The following AGBL4 variants were observed in gnomAD, a reference collection of about 807,000 sequenced individuals.
AGBL4 encodes the protein AGBL carboxypeptidase 4.
In AGBL4, 58 loss-of-function variants were observed where a neutral mutation model predicts 66.4. That is an observed-to-expected ratio of 0.87 (90% confidence interval 0.71 to 1.09). The LOEUF (loss-of-function observed/expected upper bound fraction) is 1.09, where lower values mean the gene tolerates loss of function less well. AGBL4 is among the 50% of genes least tolerant of loss of function. The probability of loss-of-function intolerance (pLI) is 0.00; values close to 1 mark genes in which losing one functional copy is unlikely to be tolerated. For synonymous variants in AGBL4, 234 were observed against 222.9 expected (o/e 1.05, Z -0.44); for missense variants, 579 against 631.0 (o/e 0.92, Z 0.88).
At chr1:48,971,045 G>A (rs1219786142) in intron 5 of AGBL4, among the ~76,000 whole-genome samples, 2 of 152,040 alleles carry the variant, frequency 1.3e-5, no homozygotes, top group African/African-American at 4.8e-5. Flanking sequence ...ACTTACCCAA[G>A]GTCACTCAGT....
chr1:49,833,931 A>G (rs1021411225), intron 2 of AGBL4, among the ~76,000 whole-genome samples: 4 of 152,074 alleles, frequency 2.6e-5, no homozygotes, highest in African/African-American at 9.7e-5. Context: ...CAATCATGTC[A>G]TCTGCAAACA....
intron 5 of AGBL4, among the ~76,000 whole-genome samples, chr1:49,014,059 G>A (rs1297857910): frequency 6.6e-6 from 1 of 152,056 alleles, no homozygotes; most frequent in Non-Finnish European, 1.5e-5. Context: ...TCTCTCTAAT[G>A]CAATAAAAAA....
intron 1 of AGBL4, among the ~76,000 whole-genome samples, chr1:49,919,102 T>A (rs1163003386): frequency 2.0e-5 from 3 of 152,174 alleles, no homozygotes; most frequent in Non-Finnish European, 2.9e-5. Context: ...ATAAGAGCTA[T>A]CTATGACAAA....
intron 3 of AGBL4, among the ~76,000 whole-genome samples, chr1:49,403,564 T>A (rs552193825): frequency 6.0e-4 from 92 of 152,330 alleles, no homozygotes; most frequent in African/African-American, 2.1e-3. Flanking sequence ...AGGTCACATA[T>A]CTTTCTTTCT....
chr1:48,569,833 C>A (rs1014995909), intron 11 of AGBL4, among the ~76,000 whole-genome samples: 1 of 152,128 alleles, frequency 6.6e-6, no homozygotes, highest in Non-Finnish European at 1.5e-5. Context: ...GACCATAATG[C>A]CACTCTTTTG....
chr1:49,364,125 G>A (rs1309994958), intron 3 of AGBL4, among the ~76,000 whole-genome samples: 3 of 152,148 alleles, frequency 2.0e-5, no homozygotes, highest in Non-Finnish European at 4.4e-5. Context: ...GAGATGATAA[G>A]GCCGTTTGGG....
At chr1:49,247,457 A>G (rs1291804403) in intron 3 of AGBL4, among the ~76,000 whole-genome samples, 4 of 152,078 alleles carry the variant, frequency 2.6e-5, no homozygotes, top group Non-Finnish European at 4.4e-5. Flanking sequence ...CTGTTCCATT[A>G]TTAATAACCT....
intron 2 of AGBL4, among the ~76,000 whole-genome samples, chr1:49,705,244 T>C (rs764472082): frequency 2.0e-5 from 3 of 152,174 alleles, no homozygotes; most frequent in Non-Finnish European, 4.4e-5. Flanking sequence ...TGTTGGTGTG[T>C]AGGAATGCCT....
At chr1:48,785,736 A>G (rs192420263) in intron 6 of AGBL4, among the ~76,000 whole-genome samples, 1 of 152,314 alleles carries the variant, frequency 6.6e-6, no homozygotes, top group East Asian at 1.9e-4. Flanking sequence ...GGGAAACAAG[A>G]TGGTGATTCT....
intron 5 of AGBL4, among the ~76,000 whole-genome samples, chr1:48,996,236 A>C (rs1040018046): frequency 6.6e-6 from 1 of 152,252 alleles, no homozygotes; most frequent in South Asian, 2.1e-4. Context: ...AGACAGTTTG[A>C]TTATACTAAT....
intron 5 of AGBL4, among the ~76,000 whole-genome samples, chr1:49,015,916 A>C (rs1472957316): frequency 6.6e-6 from 1 of 152,084 alleles, no homozygotes; most frequent in Non-Finnish European, 1.5e-5. Context: ...TTTCAACCAG[A>C]CCTAGGTTTT....
chr1:48,862,693 G>A lies in AGBL4; in HGVS notation c.634+4498C>T, dbSNP rs527596498. Among the ~76,000 whole-genome samples the A allele has an allele frequency of 2.0e-5, 3 of 152,248 alleles. No homozygotes were observed. In the South Asian group the frequency reaches 6.2e-4, roughly 32 times the overall value. On this transcript the variant is annotated intron_variant, in intron 6 of 13. Transcript: ENST00000371839. ...CTGCAAATGGCAAGTGACTGAACCT[G>A]CATTTTGGTTACATCACTACACATA... is the stretch of plus-strand genomic sequence containing the variant.
At chr1:49,827,204 A>G (rs945139267) in intron 2 of AGBL4, among the ~76,000 whole-genome samples, 7 of 152,128 alleles carry the variant, frequency 4.6e-5, no homozygotes, top group African/African-American at 4.8e-5. Context: ...GATATGCGGT[A>G]TATCAGTAGC....
intron 6 of AGBL4, among the ~76,000 whole-genome samples, chr1:48,670,634 T>C (rs1335823964): frequency 6.6e-6 from 1 of 152,210 alleles, no homozygotes; most frequent in East Asian, 1.9e-4. Context: ...TTCCTTGCCA[T>C]AGGGCTGGAA....
intron 3 of AGBL4, among the ~76,000 whole-genome samples, chr1:49,514,753 C>G (rs550770205): frequency 4.0e-4 from 61 of 152,200 alleles, no homozygotes; most frequent in Admixed American, 1.4e-3. Flanking sequence ...ACCATCTGAT[C>G]TTTGACAAAC....
chr1:49,874,821 T>G (rs1296686131), intron 1 of AGBL4, among the ~76,000 whole-genome samples: 2 of 152,244 alleles, frequency 1.3e-5, no homozygotes, highest in East Asian at 3.9e-4. Flanking sequence ...TTTGTTTTGT[T>G]TTGTTTTATT....
At chr1:49,141,908 C>T (rs1646125082) in intron 4 of AGBL4, among the ~76,000 whole-genome samples, 1 of 152,048 alleles carries the variant, frequency 6.6e-6, no homozygotes, top group African/African-American at 2.4e-5. Flanking sequence ...AAGTTGATGT[C>T]TTAAAAAAGG....
chr1:48,770,516 TTC>T (rs1359430392), intron 6 of AGBL4, among the ~76,000 whole-genome samples: 1 of 152,176 alleles, frequency 6.6e-6, no homozygotes, highest in Non-Finnish European at 1.5e-5. Flanking sequence ...CCTTGCACGC[TTC>T]TCTCACTCTG....
At chr1:48,817,354 T>C (rs1646206003) in intron 6 of AGBL4, among the ~76,000 whole-genome samples, 1 of 152,162 alleles carries the variant, frequency 6.6e-6, no homozygotes, top group South Asian at 2.1e-4. Context: ...TGTCACTCCA[T>C]GGAGTCAGAA....
Sources: gnomAD v4.1 joint callset for allele counts (sites outside exome capture counted in the v4.1 genomes callset) on GRCh38, gnomAD v4.1.1 for gene constraint, MANE v1.5 for transcripts, NCBI Gene and HGNC (gene_info 2026-07-23, HGNC 2026-07-21) for gene names.